CBY1: variants seen among roughly 807,000 people sequenced by gnomAD.
The protein encoded by CBY1 is protein chibby homolog 1.
A neutral mutation model predicts 15.6 loss-of-function variants in CBY1; 10 were observed. The ratio of observed to expected loss-of-function variants is 0.64; its 90% CI spans 0.40 to 1.09. CBY1 has a LOEUF of 1.09. CBY1 is among the 50% of genes least tolerant of loss of function. The pLI is 0.01. For missense variants in CBY1, 150 were observed against 160.5 expected (o/e 0.93, Z 0.35); for synonymous variants, 61 against 63.5 (o/e 0.96, Z 0.19).
At chr22:38,670,851 T>G (rs1418966592) in intron 2 of CBY1, 33 bp from the exon 3 acceptor site, 2 of 1,488,682 alleles carry the variant, frequency 1.3e-6, no homozygotes, top group African/African-American at 2.8e-5. Flanking sequence ...GTTCCGGGCC[T>G]GCTGAAGTTG....
intron 1 of CBY1, among the ~76,000 whole-genome samples, chr22:38,660,814 G>A (rs971155420): frequency 7.3e-5 from 11 of 151,214 alleles, no homozygotes; most frequent in Non-Finnish European, 1.3e-4. Context: ...CTCCCTCACC[G>A]CAGCCTCCAC....
chr22:38,658,328 G>C (rs1436335697), intron 1 of CBY1, among the ~76,000 whole-genome samples: 1 of 152,014 alleles, frequency 6.6e-6, no homozygotes, highest in Non-Finnish European at 1.5e-5. Flanking sequence ...GTTTCACCAT[G>C]TTGGCCAGGA....
At chr22:38,673,123 T>TGTGCTGCTTGCTAACAG in intron 4 of CBY1, 36 bp from the exon 5 acceptor site, 1 of 1,485,314 alleles carries the variant, frequency 6.7e-7, no homozygotes, top group Non-Finnish European at 9.4e-7. Flanking sequence ...TTCCTAGAAA[T>TGTGCTGCTTGCTAACAG]GTGCTGCTTG....
chr22:38,671,103 A>T lies in CBY1; in HGVS notation c.218A>T (p.Glu73Val), dbSNP rs769221817. The change falls in exon 4 of 5, where the codon GAG becomes GTG. Residue 73 changes from glutamate (E) to valine (V), a missense_variant. Coordinates refer to ENST00000216029, the MANE Select transcript of CBY1 (RefSeq NM_015373.4). ...GTTAGTGGCGGTGTGGACCGGAGGG[A>T]GGTTCAGCGCCTTCGCAGGCGGAAC... ...TGVSGGVDRR[E>V]VQRLRRRNQQ... 1 of 1,614,180 alleles carries T rather than the reference A, an allele frequency of 6.2e-7. No individual in the cohort carries two copies. Among genetic ancestry groups the T allele is most frequent in the Non-Finnish European group, 8.5e-7 (1 of 1,180,024 alleles).
intron 1 of CBY1, among the ~76,000 whole-genome samples, chr22:38,662,245 T>C (rs1451762342): frequency 6.7e-6 from 1 of 149,584 alleles, no homozygotes; most frequent in Non-Finnish European, 1.5e-5. Flanking sequence ...GAGGCTGCAG[T>C]GAGCCGAGAT....
chr22:38,664,727 C>A (rs2092431292), intron 1 of CBY1, among the ~76,000 whole-genome samples: 1 of 152,136 alleles, frequency 6.6e-6, no homozygotes, highest in East Asian at 1.9e-4. Flanking sequence ...TTGGCAGAAT[C>A]TGTTAAAGCT....
chr22:38,661,151 CTTTTTA>C (rs1263112262), intron 1 of CBY1, among the ~76,000 whole-genome samples: 2 of 151,876 alleles, frequency 1.3e-5, no homozygotes, highest in East Asian at 1.9e-4. Context: ...GTCTATGATT[CTTTTTA>C]TTTTTATGAT....
chr22:38,670,656 A>G, intron 2 of CBY1: 1 of 485,294 alleles, frequency 2.1e-6, no homozygotes, highest in Non-Finnish European at 3.7e-6. Flanking sequence ...ATTTCAGTAT[A>G]TATAGCTTTT....
At chr22:38,658,284 C>G (rs2039136429) in intron 1 of CBY1, among the ~76,000 whole-genome samples, 1 of 151,544 alleles carries the variant, frequency 6.6e-6, no homozygotes, top group Admixed American at 6.6e-5. Flanking sequence ...CACCACCACA[C>G]CCGACTAATT....
At chr22:38,658,346 G>C (rs1173311712) in intron 1 of CBY1, among the ~76,000 whole-genome samples, 1 of 151,974 alleles carries the variant, frequency 6.6e-6, no homozygotes, top group Non-Finnish European at 1.5e-5. Context: ...GGATAGTCTC[G>C]ATCTCTTGAC....
Position 38,673,292 on chromosome 22 carries a change from C to A in CBY1, c.*56C>A. The A allele has an allele frequency of 4.3e-6, 5 of 1,158,450 alleles. No individual in the cohort carries two copies. Among genetic ancestry groups the A allele is most frequent in the South Asian group, 2.5e-5 (2 of 80,824 alleles). 71.8% of individuals were successfully genotyped at this position (1,158,450 alleles called of 1,614,324 possible). A position where few individuals can be genotyped will look rare whatever the true frequency, so the allele number is the denominator to read the frequency against. ...ATGTGGCTGAGTGCTTTTTTTTTGG[C>A]CAGACTAGCGGATTCAGTCCTGGAA... On this transcript the variant is annotated 3_prime_UTR_variant, in exon 5 of 5. Coordinates refer to ENST00000216029, the MANE Select transcript of CBY1 (RefSeq NM_015373.4).
intron 1 of CBY1, among the ~76,000 whole-genome samples, chr22:38,667,124 C>T (rs2092438929): frequency 6.6e-6 from 1 of 151,976 alleles, no homozygotes; most frequent in South Asian, 2.1e-4. Flanking sequence ...GATCCTCCCA[C>T]CTAAGCCTAC....
Position 38,668,084 on chromosome 22 carries a change from G to A in CBY1, c.30G>A (p.Pro10=), listed in dbSNP as rs2092441974. MPFFGNTFS[P]KKTPPRKSAS... is the part of the protein sequence containing the mutation. ...CTTTCTTTGGGAATACGTTCAGTCC[G>A]AAGAAGACACCTCCTCGGAAGTCGG... The change falls in exon 2 of 5, where the codon CCG becomes CCA. Residue 10 remains proline, a synonymous_variant. Transcript: ENST00000216029. 8 of 1,613,668 alleles carry A rather than the reference G, an allele frequency of 5.0e-6. No individual in the cohort carries two copies. Among genetic ancestry groups the A allele is most frequent in the Admixed American group, 1.7e-5 (1 of 59,964 alleles).
intron 2 of CBY1, 109 bp downstream of exon 2, chr22:38,668,241 C>A: frequency 1.4e-6 from 1 of 700,670 alleles, no homozygotes; most frequent in Non-Finnish European, 2.6e-6. Context: ...GGAGGGCATC[C>A]TTTCCGTCCA....
At position 38,671,472 on chromosome 22, in the gene CBY1, A is replaced by G. The variant is rs549296130; in HGVS notation, c.303+284A>G. 6 of 402,798 alleles carry G rather than the reference A, an allele frequency of 1.5e-5. No homozygotes were observed. In the South Asian group the frequency reaches 1.6e-4, roughly 11 times the overall value. The allele number at this position is 402,798 out of a possible 1,614,324, so 25.0% of individuals were successfully genotyped here. ...TTCTGTCAAGTCGGGAGAGCTTCCC[A>G]GAGGAAGGGATATCTGAGCTGAATG... On this transcript the variant is annotated intron_variant, in intron 4 of 4. Coordinates refer to ENST00000216029, the MANE Select transcript of CBY1 (RefSeq NM_015373.4).
intron 1 of CBY1, chr22:38,666,703 T>TTTA (rs35569954): frequency 0.29 from 44,300 of 151,540 alleles, 6,515 homozygotes; most frequent in East Asian, 0.36. Flanking sequence ...TATTTATTTA[T>TTTA]TTTTTTAATT....
chr22:38,670,832 T>A (rs2092450270), intron 2 of CBY1, 52 bp from the exon 3 acceptor site: 13 of 1,183,160 alleles, frequency 1.1e-5, no homozygotes, highest in Non-Finnish European at 1.5e-5. Flanking sequence ...GGAGCTGGGA[T>A]GAAGGCGTGT....
intron 1 of CBY1, among the ~76,000 whole-genome samples, chr22:38,667,414 C>T (rs530365617): frequency 1.3e-5 from 2 of 152,154 alleles, no homozygotes; most frequent in South Asian, 4.2e-4. Context: ...GCTCCAGCGA[C>T]CCCCCAGCCT....
rs758845842 is a variant in CBY1 at position 38,673,369 on chromosome 22, T to A, written c.*133T>A. The stretch of plus-strand genomic sequence containing the variant: ...GGCACTGGCACCCTTGGGTTGGCAA[T>A]AGAAGGTGACATGGAATGGAGAAAA... On this transcript the variant is annotated 3_prime_UTR_variant, in exon 5 of 5. Coordinates refer to ENST00000216029, the MANE Select transcript of CBY1 (RefSeq NM_015373.4). 2 of 605,108 alleles carry A rather than the reference T, an allele frequency of 3.3e-6. No homozygotes were observed. The highest frequency in any genetic ancestry group is 5.9e-5 in the East Asian group (2 of 34,160). 37.5% of individuals were successfully genotyped at this position (605,108 alleles called of 1,614,324 possible).
Sources: gnomAD v4.1 joint callset for allele counts (sites outside exome capture counted in the v4.1 genomes callset) on GRCh38, gnomAD v4.1.1 for gene constraint, MANE v1.5 for transcripts, NCBI Gene and HGNC (gene_info 2026-07-23, HGNC 2026-07-21) for gene names.